The following CSMD1 variants were observed in gnomAD, a reference collection of about 807,000 sequenced individuals.
CSMD1 encodes CUB and sushi domain-containing protein 1.
CSMD1 carries 213 observed loss-of-function variants against 417.5 expected under a neutral mutation model. That is an observed-to-expected ratio of 0.51 (90% confidence interval 0.46 to 0.57). The LOEUF (loss-of-function observed/expected upper bound fraction) is 0.57, where lower values mean the gene tolerates loss of function less well. Ranked by LOEUF, CSMD1 falls within the 20% of genes least tolerant of loss-of-function variation. The pLI is 0.00. For missense variants in CSMD1, 6,923 were observed against 4,529.7 expected, an observed-to-expected ratio of 1.53 and a Z score of -15.17; for synonymous variants, 2,862 against 1,736.8, an observed-to-expected ratio of 1.65 and a Z score of -16.11.
chr8:4,100,117 G>C (rs931224584), intron 3 of CSMD1, among the ~76,000 whole-genome samples: 1 of 152,002 alleles, frequency 6.6e-6, no homozygotes, highest in African/African-American at 2.4e-5. Flanking sequence ...CTGACTCCGG[G>C]GAAATTACTT....
chr8:3,861,129 G>A (rs1804674774), intron 5 of CSMD1, among the ~76,000 whole-genome samples: 1 of 152,030 alleles, frequency 6.6e-6, no homozygotes, highest in Non-Finnish European at 1.5e-5. Context: ...TCTATCATAT[G>A]CCAAAAACAC....
chr8:4,362,846 G>C (rs536715240), intron 3 of CSMD1, among the ~76,000 whole-genome samples: 41 of 152,230 alleles, frequency 2.7e-4, no homozygotes, highest in Middle Eastern at 3.4e-3. Context: ...TTCCCCATTG[G>C]TTATCAGGGT....
chr8:4,186,199 G>C (rs3849839), intron 3 of CSMD1, among the ~76,000 whole-genome samples: 126,801 of 152,044 alleles, frequency 0.83, 53,078 homozygotes, highest in South Asian at 0.94. Context: ...AGAGAACATT[G>C]TGGAACACTG....
At chr8:3,106,176 A>C (rs111560599) in intron 46 of CSMD1, among the ~76,000 whole-genome samples, 1,881 of 151,622 alleles carry the variant, frequency 0.012, 36 homozygotes, top group African/African-American at 0.041. Context: ...GCTCGAGTCC[A>C]GAAGTTCAAG....
intron 7 of CSMD1, among the ~76,000 whole-genome samples, chr8:3,638,310 A>T (rs1006634842): frequency 6.6e-6 from 1 of 152,182 alleles, no homozygotes; most frequent in Non-Finnish European, 1.5e-5. Context: ...ATCCATTTAC[A>T]GTCAGTTTTT....
At chr8:3,642,937 T>A (rs557125840) in intron 7 of CSMD1, among the ~76,000 whole-genome samples, 3 of 151,524 alleles carry the variant, frequency 2.0e-5, no homozygotes, top group Admixed American at 6.6e-5. Flanking sequence ...AAACCACTAA[T>A]AGTTAAAATA....
At chr8:4,629,736 C>T (rs371849713) in intron 2 of CSMD1, among the ~76,000 whole-genome samples, 6 of 152,128 alleles carry the variant, frequency 3.9e-5, no homozygotes, top group African/African-American at 1.4e-4. Flanking sequence ...CTACAAACAG[C>T]AAAGACTAGA....
At chr8:3,410,838 G>A (rs542946978) in intron 12 of CSMD1, among the ~76,000 whole-genome samples, 1 of 152,080 alleles carries the variant, frequency 6.6e-6, no homozygotes, top group East Asian at 1.9e-4. Flanking sequence ...TCTGGGGCTC[G>A]AGTGATCCTC....
chr8:3,480,984 G>A (rs1404605030), intron 11 of CSMD1, among the ~76,000 whole-genome samples: 1 of 151,500 alleles, frequency 6.6e-6, no homozygotes, highest in East Asian at 1.9e-4. Context: ...GTGAAACCCT[G>A]TCTGAACTAA....
At chr8:4,044,472 C>T (rs1026134636) in intron 3 of CSMD1, among the ~76,000 whole-genome samples, 2 of 152,146 alleles carry the variant, frequency 1.3e-5, no homozygotes, top group Non-Finnish European at 2.9e-5. Context: ...ACTGGAGGGT[C>T]ACATCTCAGG....
intron 46 of CSMD1, among the ~76,000 whole-genome samples, chr8:3,098,406 C>G (rs993306524): frequency 2.6e-5 from 4 of 152,188 alleles, no homozygotes; most frequent in Admixed American, 2.6e-4. Flanking sequence ...CTATTTTCTT[C>G]CATTTATCTT....
At chr8:3,390,996 G>A (rs1357515552) in intron 17 of CSMD1, among the ~76,000 whole-genome samples, 24 of 152,210 alleles carry the variant, frequency 1.6e-4, no homozygotes, top group Non-Finnish European at 1.5e-5. Context: ...TACTGATATT[G>A]AAACCTGAGC....
intron 1 of CSMD1, among the ~76,000 whole-genome samples, chr8:4,835,814 T>C (rs975007649): frequency 6.6e-6 from 1 of 151,722 alleles, no homozygotes; most frequent in East Asian, 1.9e-4. Flanking sequence ...TCATCAAGTA[T>C]CCAGACATGG....
At chr8:3,745,671 G>A (rs117330182) in intron 6 of CSMD1, among the ~76,000 whole-genome samples, 2,351 of 152,300 alleles carry the variant, frequency 0.015, 26 homozygotes, top group South Asian at 0.027. Context: ...GAATCCCCGG[G>A]GAAGTCAGGC....
At chr8:3,654,979 G>C (rs79148949) in intron 7 of CSMD1, among the ~76,000 whole-genome samples, 1 of 152,264 alleles carries the variant, frequency 6.6e-6, no homozygotes, top group Non-Finnish European at 1.5e-5. Flanking sequence ...AACTGAAAAT[G>C]CCAGGTGTGA....
intron 3 of CSMD1, among the ~76,000 whole-genome samples, chr8:4,173,131 A>G (rs989079973): frequency 1.3e-5 from 2 of 152,206 alleles, no homozygotes; most frequent in African/African-American, 2.4e-5. Flanking sequence ...TATACAGTGC[A>G]ACAAGTATAG....
intron 1 of CSMD1, among the ~76,000 whole-genome samples, chr8:4,939,031 G>A (rs1268644539): frequency 6.6e-6 from 1 of 152,122 alleles, no homozygotes; most frequent in African/African-American, 2.4e-5. Flanking sequence ...TTTTCTACGT[G>A]TTGTACATTA....
chr8:3,343,539 T>G, intron 22 of CSMD1, 89 bp from the exon 23 acceptor site: 1 of 1,207,040 alleles, frequency 8.3e-7, no homozygotes, highest in Non-Finnish European at 1.2e-6. Flanking sequence ...TCTTCAAAGA[T>G]GCAGTTTTAA....
At chr8:4,215,176 C>T (rs973641104) in intron 3 of CSMD1, among the ~76,000 whole-genome samples, 1 of 152,150 alleles carries the variant, frequency 6.6e-6, no homozygotes, top group Admixed American at 6.5e-5. Context: ...CTGATAGGGA[C>T]CTTGTGTCCA....
Sources: gnomAD v4.1 joint callset for allele counts (sites outside exome capture counted in the v4.1 genomes callset) on GRCh38, gnomAD v4.1.1 for gene constraint, MANE v1.5 for transcripts, NCBI Gene and HGNC (gene_info 2026-07-23, HGNC 2026-07-21) for gene names.